The following SNX29 variants were observed in gnomAD, a reference collection of about 807,000 sequenced individuals.
The protein encoded by SNX29 is sorting nexin 29.
SNX29 carries 78 observed loss-of-function variants against 102.1 expected under a neutral mutation model. That is an observed-to-expected ratio of 0.76 (90% CI 0.64 to 0.92). SNX29 has a LOEUF of 0.92. SNX29 is among the 40% of genes least tolerant of loss of function. The pLI, the probability that SNX29 is intolerant of heterozygous loss-of-function variation, is 0.00. For missense variants in SNX29, 1,280 were observed against 1,061.7 expected (o/e 1.21, Z -2.86); for synonymous variants, 580 against 414.5 (o/e 1.40, Z -4.85).
At chr16:12,469,695 G>A (rs968512327) in intron 18 of SNX29, among the ~76,000 whole-genome samples, 3 of 152,198 alleles carry the variant, frequency 2.0e-5, no homozygotes, top group African/African-American at 4.8e-5. Context: ...GTTGCTCCAG[G>A]TTTGTTTTAA....
rs9936191 is a variant in SNX29 at position 12,497,937 on chromosome 16, G to C, written c.2178+20078G>C. Among the ~76,000 whole-genome samples the C allele has an allele frequency of 3.2e-3, 480 of 152,254 alleles. 7 individuals are homozygous for C. Among genetic ancestry groups the C allele is most frequent in the African/African-American group, 0.011 (451 of 41,528 alleles). Reference sequence around the variant, plus strand: ...CTGGATGGAGGGGTGGATAATTTCTGTCCACTCTCAGACAAGGTTGATTCC... The same window carrying C: ...CTGGATGGAGGGGTGGATAATTTCTCTCCACTCTCAGACAAGGTTGATTCC... On this transcript the variant is annotated intron_variant, in intron 19 of 20. Coordinates refer to ENST00000566228, the MANE Select transcript of SNX29 (RefSeq NM_032167.5).
intron 20 of SNX29, among the ~76,000 whole-genome samples, chr16:12,543,814 A>G (rs936661657): frequency 2.6e-5 from 4 of 152,216 alleles, no homozygotes; most frequent in Admixed American, 1.3e-4. Context: ...CCAGCCCATG[A>G]GACAGGGACA....
chr16:12,017,762 AT>A lies in SNX29; in HGVS notation c.123-9549del, dbSNP rs541216743. Reference sequence around the variant, plus strand: ...CCTTATGAGACAGGAATTTATCCTTATTTTTTTTTCAGCTGCATGATCCTTT... The same window carrying A: ...CCTTATGAGACAGGAATTTATCCTTATTTTTTTTCAGCTGCATGATCCTTT... On this transcript the variant is annotated intron_variant, in intron 3 of 20. Transcript: ENST00000566228. Among the ~76,000 whole-genome samples, 10 of 150,212 alleles carry A rather than the reference AT, an allele frequency of 6.7e-5. No individual in the cohort carries two copies. In the South Asian group the frequency reaches 1.7e-3, roughly 25 times the overall value.
At chr16:12,056,802 G>A (rs2050539228) in intron 8 of SNX29, among the ~76,000 whole-genome samples, 1 of 151,916 alleles carries the variant, frequency 6.6e-6, no homozygotes, top group Non-Finnish European at 1.5e-5. Context: ...TTGTTCTTTT[G>A]TTCTTTTTTT....
intron 20 of SNX29, chr16:12,526,491 A>G: frequency 4.0e-6 from 2 of 494,458 alleles, no homozygotes; most frequent in South Asian, 3.1e-5. Flanking sequence ...TTTGTCCTGA[A>G]TAGAAAACAG....
At chr16:12,522,477 C>T (rs895031327) in intron 19 of SNX29, among the ~76,000 whole-genome samples, 9 of 152,094 alleles carry the variant, frequency 5.9e-5, no homozygotes, top group African/African-American at 2.2e-4. Context: ...ATCTGTGTTC[C>T]TACCCAAATC....
At chr16:12,236,181 C>T (rs1567342371) in intron 14 of SNX29, among the ~76,000 whole-genome samples, 1 of 152,108 alleles carries the variant, frequency 6.6e-6, no homozygotes, top group Admixed American at 6.6e-5. Context: ...AATACCCATC[C>T]ACTGTTGCCC....
chr16:12,186,004 A>G (rs1443120261), intron 13 of SNX29, among the ~76,000 whole-genome samples: 1 of 152,186 alleles, frequency 6.6e-6, no homozygotes, highest in Non-Finnish European at 1.5e-5. Context: ...TTAAAACCCC[A>G]GTATTTATCA....
chr16:12,041,575 C>T (rs935059236), intron 4 of SNX29, among the ~76,000 whole-genome samples: 1 of 152,234 alleles, frequency 6.6e-6, no homozygotes, highest in Non-Finnish European at 1.5e-5. Flanking sequence ...CCAGAGGCTT[C>T]AGGGCTGAAT....
rs753665393 is a variant in SNX29, at chr16:12,069,096, A to G, written c.1283A>G (p.Glu428Gly). The change falls in exon 10 of 21, where the codon GAG (glutamate) becomes GGG (glycine). Residue 428 changes from glutamate to glycine, a missense_variant. Coordinates refer to ENST00000566228, the MANE Select transcript of SNX29 (RefSeq NM_032167.5). ...LGSLENGTGP[E>G]DHVLPDPGLR... The stretch of plus-strand genomic sequence containing the variant: ...AGCCTGGAGAACGGGACAGGACCAG[A>G]GGACCACGTTCTCCCAGATCCTGGA... 11 of 1,613,690 alleles carry G rather than the reference A, an allele frequency of 6.8e-6. No individual in the cohort carries two copies. Among genetic ancestry groups the G allele is most frequent in the Admixed American group, 3.3e-5 (2 of 59,984 alleles).
At chr16:12,264,945 A>G (rs561591977) in intron 14 of SNX29, among the ~76,000 whole-genome samples, 2 of 152,128 alleles carry the variant, frequency 1.3e-5, no homozygotes, top group Non-Finnish European at 2.9e-5. Context: ...ACCATACTAC[A>G]TGCATTTCTG....
chr16:12,097,594 G>T (rs988595888), intron 11 of SNX29, among the ~76,000 whole-genome samples: 4 of 151,504 alleles, frequency 2.6e-5, no homozygotes, highest in Non-Finnish European at 5.9e-5. Context: ...GAGGTCTGCT[G>T]CATTCCTCCT....
At chr16:12,237,832 C>A (rs571568056) in intron 14 of SNX29, among the ~76,000 whole-genome samples, 1 of 152,148 alleles carries the variant, frequency 6.6e-6, no homozygotes, top group Non-Finnish European at 1.5e-5. Context: ...CACTTGAACC[C>A]GGGAGATGGA....
intron 14 of SNX29, among the ~76,000 whole-genome samples, 179 bp from the exon 15 acceptor site, chr16:12,277,754 A>G (rs1385253202): frequency 6.6e-6 from 1 of 151,956 alleles, no homozygotes; most frequent in Admixed American, 6.5e-5. Flanking sequence ...CACTCGTTTT[A>G]TTGTACTTAG....
rs1317316988 is a variant in SNX29, at chr16:12,048,388, C to G, written c.516C>G (p.Leu172=). ...PTMAAGLNSI[L]FAINIDNKDL... The stretch of plus-strand genomic sequence containing the variant: ...TTTGGGCAGGTCTGAACTCCATACT[C>G]TTTGCGATTAACATCGACAACAAGG... Residue 172 remains leucine, a synonymous_variant, in exon 7 of 21, where the codon CTC becomes CTG. Transcript: ENST00000566228. 3 of 1,613,788 alleles carry G rather than the reference C, an allele frequency of 1.9e-6. No homozygotes were observed. Among genetic ancestry groups the G allele is most frequent in the South Asian group, 2.2e-5 (2 of 91,068 alleles).
chr16:12,526,639 C>T (rs755272718), intron 20 of SNX29: 13 of 528,712 alleles, frequency 2.5e-5, no homozygotes, highest in African/African-American at 7.5e-5. Flanking sequence ...CCAGGGTGCA[C>T]GGGGGAATTA....
chr16:12,138,628 A>G (rs2054751125), intron 13 of SNX29, among the ~76,000 whole-genome samples: 2 of 152,200 alleles, frequency 1.3e-5, no homozygotes, highest in African/African-American at 4.8e-5. Context: ...GGCTTAGTAG[A>G]GACCAGAAAT....
intron 16 of SNX29, among the ~76,000 whole-genome samples, chr16:12,361,116 C>T (rs2082287749): frequency 6.6e-6 from 1 of 152,218 alleles, no homozygotes; most frequent in African/African-American, 2.4e-5. Context: ...TCTACCTCCT[C>T]TGAGAAAGGA....
At chr16:12,275,882 T>G (rs1226411370) in intron 14 of SNX29, among the ~76,000 whole-genome samples, 2 of 11,716 alleles carry the variant, frequency 1.7e-4, no homozygotes, top group Non-Finnish European at 3.1e-4. Flanking sequence ...ATTTTAATTG[T>G]TTTTTTTTTT....
Sources: gnomAD v4.1 joint callset for allele counts (sites outside exome capture counted in the v4.1 genomes callset) on GRCh38, gnomAD v4.1.1 for gene constraint, MANE v1.5 for transcripts, NCBI Gene and HGNC (gene_info 2026-07-23, HGNC 2026-07-21) for gene names.